ARHGEF10: variants seen among roughly 807,000 people sequenced by gnomAD.
The protein encoded by ARHGEF10 is Rho guanine nucleotide exchange factor 10.
In ARHGEF10, 140 loss-of-function variants were observed where a neutral mutation model predicts 147.4. That is an observed-to-expected ratio of 0.95 (90% CI 0.83 to 1.09). ARHGEF10 has a LOEUF of 1.09. Ranked by LOEUF, ARHGEF10 falls within the 50% of genes least tolerant of loss-of-function variation. The pLI, the probability that ARHGEF10 is intolerant of heterozygous loss-of-function variation, is 0.00. For synonymous variants in ARHGEF10, 902 were observed against 695.8 expected (o/e 1.30, Z -4.67); for missense variants, 2,222 against 1,752.7 (o/e 1.27, Z -4.78).
In ARHGEF10 at chr8:1,955,822, A is replaced by G. The variant is rs1034253756; in HGVS notation, c.3521-927A>G. 9.2e-5 allele frequency among the ~76,000 whole-genome samples: 14 copies of G among 152,270 alleles called. 1 individual carries two copies. Among genetic ancestry groups the G allele is most frequent in the African/African-American group, 3.4e-4 (14 of 41,470 alleles). On this transcript the variant is annotated intron_variant, in intron 28 of 28. Transcript: ENST00000349830. ...AGAAGCTCCTTCTGGGGGCTTGCCC[A>G]GGGGCAGCATCGCTGGTGTGCAGGG...
chr8:1,933,659 A>G (rs532544824), intron 25 of ARHGEF10, 141 bp from the exon 26 acceptor site: 2 of 1,134,648 alleles, frequency 1.8e-6, no homozygotes, highest in African/African-American at 3.1e-5. Flanking sequence ...CGATCCCCAG[A>G]CACAGCCAGG....
rs769790083 is a variant in ARHGEF10 at position 1,957,052 on chromosome 8, G to T, written c.3824G>T (p.Arg1275Ile). Residue 1275 changes from arginine to isoleucine, a missense_variant, in exon 29 of 29, where the codon AGA (arginine) becomes ATA (isoleucine). Arg to Ile is a moderately conservative substitution (Grantham distance 97). Coordinates refer to ENST00000349830, the MANE Select transcript of ARHGEF10 (RefSeq NM_014629.4). ...LSHGSSSLEHRSEDSTIYDLL... is the reference protein window; with the variant it reads ...LSHGSSSLEHISEDSTIYDLL... ...CACGGCTCCAGCTCTCTAGAGCACA[G>T]ATCAGAGGACAGCACCATCTATGAT... 2 of 1,613,840 alleles carry T rather than the reference G, an allele frequency of 1.2e-6. No individual in the cohort carries two copies. The highest frequency in any genetic ancestry group is 1.1e-5 in the South Asian group (1 of 91,088).
At chr8:1,852,753 C>T (rs190156532) in intron 2 of ARHGEF10, among the ~76,000 whole-genome samples, 26 of 152,312 alleles carry the variant, frequency 1.7e-4, no homozygotes, top group Admixed American at 7.2e-4. Flanking sequence ...GAGCCAATTA[C>T]CTGCATACTC....
At chr8:1,910,006 C>A (rs1338178430) in intron 18 of ARHGEF10, among the ~76,000 whole-genome samples, 2 of 152,118 alleles carry the variant, frequency 1.3e-5, no homozygotes, top group African/African-American at 4.8e-5. Flanking sequence ...CTTAGCATTG[C>A]ACATGATTTA....
At chr8:1,834,232 T>A (rs951794078) in intron 1 of ARHGEF10, among the ~76,000 whole-genome samples, 2 of 152,228 alleles carry the variant, frequency 1.3e-5, no homozygotes, top group African/African-American at 4.8e-5. Context: ...GGCGGGTTGA[T>A]TCTGACCCGG....
intron 7 of ARHGEF10, chr8:1,871,028 A>T (rs1807069903): frequency 6.7e-6 from 1 of 148,422 alleles, no homozygotes; most frequent in African/African-American, 2.5e-5. Context: ...CAGGAGAATC[A>T]CTTGAACCCA....
chr8:1,869,669 T>C (rs916399817), intron 7 of ARHGEF10: 4 of 316,780 alleles, frequency 1.3e-5, no homozygotes, highest in Non-Finnish European at 1.8e-5. Flanking sequence ...ATTTTAGACA[T>C]AGAGATTCAA....
rs537676431 is a variant in ARHGEF10 at position 1,904,358 on chromosome 8, T to C, written c.1821+907T>C. The C allele has an allele frequency of 5.3e-5, 8 of 152,360 alleles. No individual in the cohort carries two copies. The East Asian group carries it at 1.5e-3, about 29-fold the overall frequency. 9.4% of individuals were successfully genotyped at this position (152,360 alleles called of 1,614,324 possible). ...AAGTTATTGCATCTAATATTCATTA[T>C]TGCTAAAAATCATTATTGCTACAAA... On this transcript the variant is annotated intron_variant, in intron 16 of 28. Coordinates refer to ENST00000349830, the MANE Select transcript of ARHGEF10 (RefSeq NM_014629.4).
intron 18 of ARHGEF10, among the ~76,000 whole-genome samples, chr8:1,922,139 C>G (rs1812341459): frequency 6.6e-6 from 1 of 151,898 alleles, no homozygotes; most frequent in Admixed American, 6.6e-5. Flanking sequence ...AGTATTTGAA[C>G]ATTACTTCCT....
intron 1 of ARHGEF10, among the ~76,000 whole-genome samples, chr8:1,834,740 C>T (rs1298616359): frequency 3.3e-5 from 5 of 152,228 alleles, no homozygotes; most frequent in Admixed American, 6.5e-5. Context: ...GTAGACTTTG[C>T]GTCCTTTTAC....
intron 4 of ARHGEF10, among the ~76,000 whole-genome samples, chr8:1,863,332 T>C (rs1806308742): frequency 6.6e-6 from 1 of 152,234 alleles, no homozygotes; most frequent in Non-Finnish European, 1.5e-5. Flanking sequence ...GCTCCTGGTG[T>C]GACCAGGGAC....
intron 8 of ARHGEF10, among the ~76,000 whole-genome samples, chr8:1,878,288 C>T (rs770521683): frequency 6.6e-6 from 1 of 152,082 alleles, no homozygotes; most frequent in Non-Finnish European, 1.5e-5. Flanking sequence ...TTCCCAGATT[C>T]AAGTAATTCT....
At chr8:1,869,322 T>A in intron 7 of ARHGEF10, 72 bp downstream of exon 7, 1 of 1,318,916 alleles carries the variant, frequency 7.6e-7, no homozygotes, top group Non-Finnish European at 1.1e-6. Context: ...CCAAAGTGAC[T>A]ATTTAGTGGA....
rs554731205 is a variant in ARHGEF10 at position 1,888,210 on chromosome 8, G to T, written c.1182+2503G>T. Among the ~76,000 whole-genome samples the T allele has an allele frequency of 2.2e-4, 13 of 59,818 alleles. 1 individual carries two copies. Among genetic ancestry groups the T allele is most frequent in the African/African-American group, 7.5e-4 (10 of 13,376 alleles). 39.2% of individuals were successfully genotyped at this position (59,818 alleles called of 152,430 possible). On this transcript the variant is annotated intron_variant, in intron 11 of 28. Coordinates refer to ENST00000349830, the MANE Select transcript of ARHGEF10 (RefSeq NM_014629.4). The stretch of plus-strand genomic sequence containing the variant: ...AGGGTTTGCGAGGAGACACTTAGTG[G>T]GGCGAGGGTTGCGAGGAGACAGTGA...
At chr8:1,866,630 A>T in intron 6 of ARHGEF10, 28 bp downstream of exon 6, 1 of 1,597,642 alleles carries the variant, frequency 6.3e-7, no homozygotes, top group South Asian at 1.1e-5. Flanking sequence ...CCACAGCCAG[A>T]ATCCTCACCA....
intron 7 of ARHGEF10, chr8:1,876,366 C>T: frequency 1.6e-6 from 1 of 615,934 alleles, no homozygotes; most frequent in Non-Finnish European, 2.9e-6. Context: ...GTGCTTTTCC[C>T]CAGCCTCCCC....
chr8:1,866,870 G>T (rs1017337430), intron 6 of ARHGEF10, among the ~76,000 whole-genome samples: 3 of 151,918 alleles, frequency 2.0e-5, no homozygotes, highest in Non-Finnish European at 4.4e-5. Flanking sequence ...TTATTATTAT[G>T]GTAACAGTGA....
chr8:1,925,458 A>G, intron 22 of ARHGEF10, 54 bp downstream of exon 22: 2 of 1,608,262 alleles, frequency 1.2e-6, no homozygotes, highest in Non-Finnish European at 1.7e-6. Flanking sequence ...GCAGCTCTGA[A>G]TGGGCCACTT....
In ARHGEF10 at chr8:1,949,767, G is replaced by C. The variant is rs535860944; in HGVS notation, c.3398-2938G>C. On this transcript the variant is annotated intron_variant, in intron 27 of 28. Transcript: ENST00000349830. ...ACCGGACTCAAGATGGTGAGTTAAC[G>C]AACGAGACTGAGGACTTGGGAGCCA... is the stretch of plus-strand genomic sequence containing the variant. Among the ~76,000 whole-genome samples, 5 of 152,146 alleles carry C rather than the reference G, an allele frequency of 3.3e-5. No homozygotes were observed. The East Asian group carries it at 9.7e-4, about 30-fold the overall frequency.
Sources: gnomAD v4.1 joint callset for allele counts (sites outside exome capture counted in the v4.1 genomes callset) on GRCh38, gnomAD v4.1.1 for gene constraint, MANE v1.5 for transcripts, NCBI Gene and HGNC (gene_info 2026-07-23, HGNC 2026-07-21) for gene names.